The following B3GALT1 variants were observed in gnomAD, a reference collection of about 807,000 sequenced individuals.
The protein encoded by B3GALT1 is beta-1,3-galactosyltransferase 1.
B3GALT1 carries 10 observed loss-of-function variants against 23.2 expected under a neutral mutation model. That is an observed-to-expected ratio of 0.43 (90% CI 0.27 to 0.73). B3GALT1 has a LOEUF of 0.73. B3GALT1 is among the 30% of genes least tolerant of loss of function. B3GALT1 has a pLI of 0.21. For missense variants in B3GALT1, 299 were observed against 405.4 expected, an observed-to-expected ratio of 0.74 and a Z score of 2.25; for synonymous variants, 156 against 141.5, an observed-to-expected ratio of 1.10 and a Z score of -0.73.
At chr2:167,771,558 G>A (rs1296685931) in intron 3 of B3GALT1, among the ~76,000 whole-genome samples, 5 of 152,214 alleles carry the variant, frequency 3.3e-5, no homozygotes, top group East Asian at 1.9e-4. Flanking sequence ...GTGACAGAGC[G>A]AGACTCCGTC....
At chr2:167,768,821 G>A (rs976150013) in intron 3 of B3GALT1, among the ~76,000 whole-genome samples, 4 of 152,194 alleles carry the variant, frequency 2.6e-5, no homozygotes, top group Admixed American at 2.6e-4. Context: ...CACAAGGTCT[G>A]ACTGTGCTTG....
chr2:167,302,672 T>C (rs919437201), intron 1 of B3GALT1, among the ~76,000 whole-genome samples: 25 of 152,306 alleles, frequency 1.6e-4, no homozygotes, highest in African/African-American at 6.0e-4. Context: ...ATTGCATGTG[T>C]TTGTATATAC....
At chr2:167,611,164 CCTA>C (rs1390673079) in intron 2 of B3GALT1, among the ~76,000 whole-genome samples, 3 of 151,772 alleles carry the variant, frequency 2.0e-5, no homozygotes, top group African/African-American at 7.3e-5. Flanking sequence ...AAAAGAAAAT[CCTA>C]CTATCGAGAA....
intron 1 of B3GALT1, among the ~76,000 whole-genome samples, chr2:167,339,679 G>T (rs1200004370): frequency 6.6e-6 from 1 of 152,188 alleles, no homozygotes; most frequent in Non-Finnish European, 1.5e-5. Context: ...GAATGTTTCA[G>T]TTAGGTAACC....
At chr2:167,813,084 G>A (rs961950931) in intron 3 of B3GALT1, among the ~76,000 whole-genome samples, 2 of 139,048 alleles carry the variant, frequency 1.4e-5, no homozygotes, top group African/African-American at 5.4e-5. Flanking sequence ...TCTTCAGAAA[G>A]ACACAAGATT....
intron 1 of B3GALT1, among the ~76,000 whole-genome samples, chr2:167,388,638 T>A (rs1697964900): frequency 6.6e-6 from 1 of 151,930 alleles, no homozygotes; most frequent in Non-Finnish European, 1.5e-5. Flanking sequence ...GTAGCCAAGG[T>A]TCTCAAGCCT....
intron 3 of B3GALT1, among the ~76,000 whole-genome samples, chr2:167,803,081 A>AACAT (rs1688669377): frequency 1.4e-5 from 2 of 141,376 alleles, no homozygotes; most frequent in African/African-American, 5.4e-5. Flanking sequence ...GACCCTAACA[A>AACAT]ACACACACAC....
rs563334550 is a variant in B3GALT1, at chr2:167,586,124, T to C, written c.-409-60785T>C. 5.9e-5 allele frequency among the ~76,000 whole-genome samples: 9 copies of C among 151,524 alleles called. No homozygotes were observed. The South Asian group carries it at 1.9e-3, about 32-fold the overall frequency. On this transcript the variant is annotated intron_variant, in intron 2 of 4. Transcript: ENST00000392690. The stretch of plus-strand genomic sequence containing the variant: ...GCACTTTGATTTATGCATTTTCTTA[T>C]ATTTTCATAATACTTTGATTTTGTA...
chr2:167,440,430 A>T (rs1192786173), intron 1 of B3GALT1, among the ~76,000 whole-genome samples: 1 of 151,946 alleles, frequency 6.6e-6, no homozygotes, highest in Non-Finnish European at 1.5e-5. Context: ...TATAAATATG[A>T]CTTCCAAATA....
Position 167,868,793 on chromosome 2 carries a change from A to G in B3GALT1, c.-229-18A>G, listed in dbSNP as rs896870794. Among the ~76,000 whole-genome samples, 2 of 152,152 alleles carry G rather than the reference A, an allele frequency of 1.3e-5. No homozygotes were observed. The highest frequency in any genetic ancestry group is 2.9e-5 in the Non-Finnish European group (2 of 68,028). The stretch of plus-strand genomic sequence containing the variant: ...TGACATAAATCTAAGTGACAACTGT[A>G]CTTTATTGATTTTGCAGAGTTAAGA... On this transcript the variant is annotated intron_variant, in intron 4 of 4. Transcript: ENST00000392690.
intron 2 of B3GALT1, among the ~76,000 whole-genome samples, chr2:167,563,526 C>CCG (rs577047430): frequency 0.96 from 9,677 of 10,062 alleles, 4,716 homozygotes; most frequent in Middle Eastern, 1. Context: ...GGGCGGCTGG[C>CCG]GGCGGGGGGC....
At position 167,339,251 on chromosome 2, in the gene B3GALT1, A is replaced by G. The variant is rs375481820; in HGVS notation, c.-511+45917A>G. Among the ~76,000 whole-genome samples, 5 of 152,350 alleles carry G rather than the reference A, an allele frequency of 3.3e-5. No individual in the cohort carries two copies. In the East Asian group the frequency reaches 9.6e-4, roughly 29 times the overall value. On this transcript the variant is annotated intron_variant, in intron 1 of 4. Coordinates refer to ENST00000392690, the MANE Select transcript of B3GALT1 (RefSeq NM_020981.4). ...AACAAAAATTGTATATATCAACACAATTTAAATTTCAAAATAAGAATGTTG... is the reference window on the plus strand; with the variant it reads ...AACAAAAATTGTATATATCAACACAGTTTAAATTTCAAAATAAGAATGTTG...
chr2:167,607,026 G>T (rs142358124), intron 2 of B3GALT1, among the ~76,000 whole-genome samples: 74 of 152,276 alleles, frequency 4.9e-4, no homozygotes, highest in African/African-American at 1.7e-3. Context: ...ATGATTTTAT[G>T]AAATGCTTGG....
chr2:167,798,837 A>G (rs1688586842), intron 3 of B3GALT1, among the ~76,000 whole-genome samples: 1 of 152,198 alleles, frequency 6.6e-6, no homozygotes, highest in South Asian at 2.1e-4. Context: ...ATTTTTTCAC[A>G]TCACCTTAAA....
intron 1 of B3GALT1, among the ~76,000 whole-genome samples, chr2:167,489,398 G>A (rs560364997): frequency 6.6e-6 from 1 of 152,292 alleles, no homozygotes; most frequent in South Asian, 2.1e-4. Context: ...AGAGGTGTTT[G>A]GGTTGAATTG....
In B3GALT1 at chr2:167,798,190, C is replaced by G. The variant is rs1271903758; in HGVS notation, c.-351-20482C>G. ...TTCTTGTAGACTCTGGATATTAGAC[C>G]TTTGTCAGATGGATAGATTACAAAA... On this transcript the variant is annotated intron_variant, in intron 3 of 4. Transcript: ENST00000392690. Among the ~76,000 whole-genome samples, 4 of 152,086 alleles carry G rather than the reference C, an allele frequency of 2.6e-5. No individual in the cohort carries two copies. In the East Asian group the frequency reaches 7.7e-4, roughly 29 times the overall value.
chr2:167,358,101 C>G lies in B3GALT1; in HGVS notation c.-511+64767C>G, dbSNP rs181469617. Among the ~76,000 whole-genome samples, 627 of 152,254 alleles carry G rather than the reference C, an allele frequency of 4.1e-3. 9 individuals carry two copies. The highest frequency in any genetic ancestry group is 0.014 in the African/African-American group (602 of 41,566). The stretch of plus-strand genomic sequence containing the variant: ...TTACTTATTTTTGTAAGGGATAGAG[C>G]AAACCTGTAAATGTGTTGATCACCT... On this transcript the variant is annotated intron_variant, in intron 1 of 4. Transcript: ENST00000392690.
At chr2:167,739,228 C>T (rs1342375883) in intron 3 of B3GALT1, among the ~76,000 whole-genome samples, 1 of 152,140 alleles carries the variant, frequency 6.6e-6, no homozygotes, top group Non-Finnish European at 1.5e-5. Flanking sequence ...TTTCCAAACA[C>T]CTGTAATTTC....
intron 1 of B3GALT1, among the ~76,000 whole-genome samples, chr2:167,462,311 A>G (rs1458227571): frequency 6.6e-6 from 1 of 152,188 alleles, no homozygotes; most frequent in African/African-American, 2.4e-5. Flanking sequence ...GAGCTGATAT[A>G]AACCAGCTTA....
Sources: allele counts gnomAD v4.1 joint callset (sites outside exome capture counted in the v4.1 genomes callset), GRCh38; gene constraint gnomAD v4.1.1; transcripts MANE v1.5; gene names NCBI Gene and HGNC (gene_info 2026-07-23, HGNC 2026-07-21).